C1QTNF3: variants seen among roughly 807,000 people sequenced by gnomAD.
C1QTNF3 encodes the protein C1q and TNF related 3.
In C1QTNF3, 26 loss-of-function variants were observed where a neutral mutation model predicts 32.6. The ratio of observed to expected loss-of-function variants is 0.80; its 90% confidence interval spans 0.58 to 1.11. C1QTNF3 has a LOEUF of 1.11. C1QTNF3 is among the 50% of genes least tolerant of loss of function. The pLI, the probability that C1QTNF3 is intolerant of heterozygous loss-of-function variation, is 0.00. For missense variants in C1QTNF3, 362 were observed against 398.2 expected, an observed-to-expected ratio of 0.91 and a Z score of 0.77; for synonymous variants, 155 against 146.0, an observed-to-expected ratio of 1.06 and a Z score of -0.44.
At chr5:34,163,401 G>A in the C1QTNF3 span, among the ~76,000 whole-genome samples, 1 of 151,806 alleles carries the variant, frequency 6.6e-6, no homozygotes, top group African/African-American at 2.4e-5. Flanking sequence ...GCAATCTAGA[G>A]AAAGATGCTA....
At chr5:34,156,398 A>T in the C1QTNF3 span, among the ~76,000 whole-genome samples, 1 of 152,218 alleles carries the variant, frequency 6.6e-6, no homozygotes, top group African/African-American at 2.4e-5. Context: ...AGTCTTTCAT[A>T]AAAAATCTGA....
chr5:34,048,289 T>TGAGAGAGAGAGAGAGAGAGAGAGA, the C1QTNF3 span, among the ~76,000 whole-genome samples: 42 of 141,160 alleles, frequency 3.0e-4, no homozygotes, highest in African/African-American at 1.1e-3. Context: ...TGTGTGTGCA[T>TGAGAGAGAGAGAGAGAGAGAGAGA]GAGAGAGAGA....
the C1QTNF3 span, among the ~76,000 whole-genome samples, chr5:34,177,341 C>G: frequency 2.0e-5 from 3 of 152,126 alleles, no homozygotes; most frequent in Non-Finnish European, 4.4e-5. Flanking sequence ...GAAACAAGGT[C>G]TCACTCTGTC....
the C1QTNF3 span, among the ~76,000 whole-genome samples, chr5:34,159,192 T>C: frequency 6.6e-6 from 1 of 151,996 alleles, no homozygotes; most frequent in Non-Finnish European, 1.5e-5. Flanking sequence ...AAAAACTCTG[T>C]GTATTTGAAA....
At chr5:34,218,030 C>T in the C1QTNF3 span, among the ~76,000 whole-genome samples, 3 of 149,684 alleles carry the variant, frequency 2.0e-5, no homozygotes, top group African/African-American at 7.4e-5. Context: ...TTATGATAGC[C>T]TATGACCTCA....
chr5:34,210,464 A>T, the C1QTNF3 span, among the ~76,000 whole-genome samples: 1 of 151,606 alleles, frequency 6.6e-6, no homozygotes, highest in East Asian at 1.9e-4. Flanking sequence ...GTTGCTTAGG[A>T]CATTGACTAA....
the C1QTNF3 span, among the ~76,000 whole-genome samples, chr5:34,100,582 CAT>C: frequency 2.0e-5 from 3 of 150,338 alleles, no homozygotes; most frequent in Admixed American, 6.7e-5. Context: ...AAATATCAAA[CAT>C]ATTTACATAC....
chr5:34,229,123 G>A, the C1QTNF3 span, among the ~76,000 whole-genome samples: 4 of 152,084 alleles, frequency 2.6e-5, no homozygotes, highest in African/African-American at 7.2e-5. Flanking sequence ...GCCTACAGCA[G>A]AACAGCACTT....
the C1QTNF3 span, among the ~76,000 whole-genome samples, chr5:34,170,635 T>C: frequency 6.6e-6 from 1 of 152,162 alleles, no homozygotes; most frequent in Non-Finnish European, 1.5e-5. Flanking sequence ...AAGTGCTCTT[T>C]AATATCACTG....
At chr5:34,227,417 C>T in the C1QTNF3 span, among the ~76,000 whole-genome samples, 1 of 151,850 alleles carries the variant, frequency 6.6e-6, no homozygotes, top group South Asian at 2.1e-4. Context: ...ATAATAGATG[C>T]ATATATATTT....
chr5:34,075,876 G>GGTGTGTGT, the C1QTNF3 span, among the ~76,000 whole-genome samples: 621 of 147,012 alleles, frequency 4.2e-3, 4 homozygotes, highest in South Asian at 0.031. Flanking sequence ...AAACAATTAT[G>GGTGTGTGT]GTGTGTGTGT....
chr5:34,154,881 T>TA, the C1QTNF3 span, among the ~76,000 whole-genome samples: 1 of 152,124 alleles, frequency 6.6e-6, no homozygotes, highest in Non-Finnish European at 1.5e-5. Flanking sequence ...CTATTAACAA[T>TA]CTTGCCAGCT....
chr5:34,223,528 T>C, the C1QTNF3 span, among the ~76,000 whole-genome samples: 52 of 146,892 alleles, frequency 3.5e-4, no homozygotes, highest in South Asian at 8.8e-4. Flanking sequence ...CCTTTGGGTA[T>C]ATACCCAGTA....
chr5:34,216,424 A>G, the C1QTNF3 span, among the ~76,000 whole-genome samples: 1 of 152,222 alleles, frequency 6.6e-6, no homozygotes, highest in Non-Finnish European at 1.5e-5. Context: ...AAGGGCTCCC[A>G]TTAATTAAGG....
the C1QTNF3 span, among the ~76,000 whole-genome samples, chr5:34,188,448 G>T: frequency 6.6e-6 from 1 of 152,308 alleles, no homozygotes; most frequent in African/African-American, 2.4e-5. Context: ...CAGAAGGGGG[G>T]GCCGTACCCT....
the C1QTNF3 span, among the ~76,000 whole-genome samples, chr5:34,224,603 A>T: frequency 2.0e-5 from 3 of 152,200 alleles, no homozygotes; most frequent in Non-Finnish European, 2.9e-5. Context: ...AGCCATATGG[A>T]GAAAGCTGAA....
At chr5:34,132,047 G>A in the C1QTNF3 span, among the ~76,000 whole-genome samples, 1 of 152,110 alleles carries the variant, frequency 6.6e-6, no homozygotes, top group Non-Finnish European at 1.5e-5. Flanking sequence ...AATAAAAATT[G>A]TGATGACTCG....
chr5:34,143,609 C>G, the C1QTNF3 span, among the ~76,000 whole-genome samples: 1 of 152,022 alleles, frequency 6.6e-6, no homozygotes. Flanking sequence ...GTCTTACAAC[C>G]CAGAAGAGAT....
At chr5:34,120,177 T>C in the C1QTNF3 span, among the ~76,000 whole-genome samples, 1 of 152,234 alleles carries the variant, frequency 6.6e-6, no homozygotes, top group African/African-American at 2.4e-5. Context: ...AGATTTCTAA[T>C]CAGACCTAGA....
Sources: gnomAD v4.1 joint callset for allele counts (sites outside exome capture counted in the v4.1 genomes callset) on GRCh38, gnomAD v4.1.1 for gene constraint, MANE v1.5 for transcripts, NCBI Gene and HGNC (gene_info 2026-07-23, HGNC 2026-07-21) for gene names.